NRG3: variants seen among roughly 807,000 people sequenced by gnomAD.
NRG3 encodes neuregulin 3, also known as pro-neuregulin-3, membrane-bound isoform.
A neutral mutation model predicts 66.9 loss-of-function variants in NRG3; 31 were observed. That is an observed-to-expected ratio of 0.46 (90% CI 0.35 to 0.63). The LOEUF (loss-of-function observed/expected upper bound fraction) is 0.63, where lower values mean the gene tolerates loss of function less well. Among genes scored for constraint, NRG3 ranks in the 20% least tolerant of loss-of-function variants. The pLI, the probability that NRG3 is intolerant of heterozygous loss-of-function variation, is 0.00. For synonymous variants in NRG3, 393 were observed against 359.4 expected (o/e 1.09, Z -1.06); for missense variants, 910 against 878.9 (o/e 1.04, Z -0.45).
intron 1 of NRG3, among the ~76,000 whole-genome samples, chr10:81,884,884 T>A (rs1842496104): frequency 6.6e-6 from 1 of 152,136 alleles, no homozygotes. Context: ...AACATATCCA[T>A]CACCTCCAAA....
At chr10:82,255,228 C>A (rs1047454869) in intron 1 of NRG3, among the ~76,000 whole-genome samples, 2 of 152,124 alleles carry the variant, frequency 1.3e-5, no homozygotes, top group Non-Finnish European at 2.9e-5. Context: ...CTATAAAATA[C>A]CTGAACCAGA....
chr10:82,909,547 A>G (rs1336323171), intron 4 of NRG3, among the ~76,000 whole-genome samples: 1 of 152,146 alleles, frequency 6.6e-6, no homozygotes, highest in African/African-American at 2.4e-5. Flanking sequence ...TGTGATAGGT[A>G]TTTTCTGTGC....
intron 1 of NRG3, among the ~76,000 whole-genome samples, chr10:81,997,003 G>A (rs572178639): frequency 1.3e-5 from 2 of 152,204 alleles, no homozygotes; most frequent in East Asian, 3.9e-4. Context: ...AATAAAATGG[G>A]TAAGGTTTCT....
At chr10:81,878,034 A>G in intron 1 of NRG3, 2 of 1,537,514 alleles carry the variant, frequency 1.3e-6, no homozygotes, top group Non-Finnish European at 1.7e-6. Flanking sequence ...GGGGTATTTC[A>G]TGTTCTTTCT....
intron 2 of NRG3, among the ~76,000 whole-genome samples, chr10:82,418,458 G>GTTTATGC (rs58367470): frequency 3.9e-5 from 6 of 152,174 alleles, no homozygotes; most frequent in African/African-American, 1.2e-4. Flanking sequence ...TTATGCAAAT[G>GTTTATGC]AAAAGAGGAG....
intron 7 of NRG3, among the ~76,000 whole-genome samples, chr10:82,978,510 T>G (rs1408263200): frequency 6.6e-6 from 1 of 152,220 alleles, no homozygotes; most frequent in East Asian, 1.9e-4. Flanking sequence ...AAGTGAATTT[T>G]TTCCCCATAT....
Position 82,558,424 on chromosome 10 carries a change from A to G in NRG3, c.954-180153A>G, listed in dbSNP as rs992675664. On this transcript the variant is annotated intron_variant, in intron 2 of 8. Coordinates refer to ENST00000372141, the MANE Select transcript of NRG3 (RefSeq NM_001010848.4). ...AAGCCATGACTCAGCTTTCCTGCAG[A>G]TTAATCTAGATGATCTAAGCCTAGT... Among the ~76,000 whole-genome samples the G allele has an allele frequency of 9.2e-5, 14 of 152,282 alleles. No individual in the cohort carries two copies. In the East Asian group the frequency reaches 1.4e-3, roughly 15 times the overall value.
rs142954156 is a variant in NRG3, at chr10:82,426,144, A to T, written c.953+67276A>T. ...TTTCCATTGAGGGCAGACCTTTCTT[A>T]AGAACAGAGCACTCTGGGTATATTT... is the stretch of plus-strand genomic sequence containing the variant. On this transcript the variant is annotated intron_variant, in intron 2 of 8. Transcript: ENST00000372141. Among the ~76,000 whole-genome samples, 564 of 152,230 alleles carry T rather than the reference A, an allele frequency of 3.7e-3. 1 individual carries two copies. The highest frequency in any genetic ancestry group is 0.013 in the African/African-American group (534 of 41,552).
intron 2 of NRG3, among the ~76,000 whole-genome samples, chr10:82,500,240 G>A (rs996435055): frequency 1.3e-4 from 20 of 152,122 alleles, no homozygotes; most frequent in African/African-American, 4.6e-4. Context: ...TAGCCTCTTA[G>A]TTTCTTCCTA....
At chr10:82,573,950 A>G (rs907419641) in intron 2 of NRG3, among the ~76,000 whole-genome samples, 2 of 151,840 alleles carry the variant, frequency 1.3e-5, no homozygotes, top group African/African-American at 4.8e-5. Flanking sequence ...TTCAATTAGT[A>G]TAGCCATTAT....
rs557741419 is a variant in NRG3 at position 82,358,351 on chromosome 10, G to A, written c.824-388G>A. Among the ~76,000 whole-genome samples, 4 of 152,240 alleles carry A rather than the reference G, an allele frequency of 2.6e-5. No individual in the cohort carries two copies. The East Asian group carries it at 7.7e-4, about 29-fold the overall frequency. On this transcript the variant is annotated intron_variant, in intron 1 of 8. Transcript: ENST00000372141. ...CAGTCACAATATACATTGATCAGAT[G>A]TTTAATTATATTTGGCAGCAATAAA...
chr10:82,779,580 T>G (rs1044855916), intron 3 of NRG3, among the ~76,000 whole-genome samples: 3 of 152,214 alleles, frequency 2.0e-5, no homozygotes, highest in Non-Finnish European at 4.4e-5. Context: ...CCTATTGTTC[T>G]ATTTTCAAGT....
intron 1 of NRG3, among the ~76,000 whole-genome samples, chr10:81,919,363 C>G (rs1846032761): frequency 6.6e-6 from 1 of 152,202 alleles, no homozygotes; most frequent in Admixed American, 6.5e-5. Flanking sequence ...TCTTAAACCT[C>G]TTTGAACGTC....
At chr10:82,739,647 A>G (rs1449003044) in intron 3 of NRG3, among the ~76,000 whole-genome samples, 1 of 152,240 alleles carries the variant, frequency 6.6e-6, no homozygotes, top group African/African-American at 2.4e-5. Flanking sequence ...AAGTAAATGC[A>G]AAGTTATTTG....
At chr10:82,792,322 A>T (rs1432776377) in intron 3 of NRG3, among the ~76,000 whole-genome samples, 1 of 152,192 alleles carries the variant, frequency 6.6e-6, no homozygotes, top group African/African-American at 2.4e-5. Flanking sequence ...TTGGCATTTC[A>T]GTACAACATA....
intron 3 of NRG3, among the ~76,000 whole-genome samples, chr10:82,792,692 A>T (rs955517276): frequency 3.3e-5 from 5 of 151,406 alleles, no homozygotes; most frequent in African/African-American, 7.3e-5. Context: ...TTATTTATTT[A>T]TTTTTTTGAC....
chr10:82,280,643 C>T (rs1006607467), intron 1 of NRG3, among the ~76,000 whole-genome samples: 4 of 152,180 alleles, frequency 2.6e-5, no homozygotes, highest in Admixed American at 6.5e-5. Context: ...TTTGGACACT[C>T]TCCTTGACCT....
chr10:82,880,556 CT>C, intron 4 of NRG3, among the ~76,000 whole-genome samples: 1 of 152,204 alleles, frequency 6.6e-6, no homozygotes, highest in Admixed American at 6.5e-5. Flanking sequence ...TCCCATAATC[CT>C]TCCCTAGGAG....
At chr10:81,937,815 GC>G (rs1288569536) in intron 1 of NRG3, among the ~76,000 whole-genome samples, 2 of 151,888 alleles carry the variant, frequency 1.3e-5, no homozygotes, top group Non-Finnish European at 2.9e-5. Flanking sequence ...AAGAAATATC[GC>G]CAAATCTAAT....
Sources: gnomAD v4.1 joint callset for allele counts (sites outside exome capture counted in the v4.1 genomes callset) on GRCh38, gnomAD v4.1.1 for gene constraint, MANE v1.5 for transcripts, NCBI Gene and HGNC (gene_info 2026-07-23, HGNC 2026-07-21) for gene names.